The following KCNT2 variants were observed in gnomAD, a reference collection of about 807,000 sequenced individuals.
KCNT2 encodes potassium sodium-activated channel subfamily T member 2, also known as potassium channel subfamily T member 2.
In KCNT2, 67 loss-of-function variants were observed where a neutral mutation model predicts 153.8. The observed-to-expected ratio is 0.44, with a 90% CI of 0.36 to 0.53. The LOEUF (loss-of-function observed/expected upper bound fraction) is 0.53, where lower values mean the gene tolerates loss of function less well. KCNT2 is among the 20% of genes least tolerant of loss of function. The probability of loss-of-function intolerance (pLI) is 0.00; values close to 1 mark genes in which losing one functional copy is unlikely to be tolerated. For missense variants in KCNT2, 975 were observed against 1,354.8 expected (o/e 0.72, Z 4.40); for synonymous variants, 500 against 458.8 (o/e 1.09, Z -1.15).
intron 1 of KCNT2, among the ~76,000 whole-genome samples, chr1:196,552,376 A>G (rs1658031650): frequency 6.6e-6 from 1 of 151,356 alleles, no homozygotes; most frequent in African/African-American, 2.4e-5. Flanking sequence ...CATGAAAACT[A>G]AAACATCCCT....
rs533276852 is a variant in KCNT2, at chr1:196,366,164, A to AT, written c.1403+6975dup. On this transcript the variant is annotated intron_variant, in intron 14 of 27. Coordinates refer to ENST00000294725, the MANE Select transcript of KCNT2 (RefSeq NM_198503.5). ...TTATTTACTTATTTATTTAATTATT[A>AT]TTTTTTTTTTTTGAGACAGAGTTTC... Among the ~76,000 whole-genome samples the AT allele has an allele frequency of 6.7e-3, 969 of 145,712 alleles. 6 individuals carry two copies. The highest frequency in any genetic ancestry group is 0.032 in the South Asian group (146 of 4,614).
intron 3 of KCNT2, among the ~76,000 whole-genome samples, chr1:196,484,522 T>C (rs182669851): frequency 1.1e-3 from 169 of 152,262 alleles, no homozygotes; most frequent in African/African-American, 3.9e-3. Context: ...ACAAGCTCTT[T>C]AGTTTAATAA....
chr1:196,487,217 G>T (rs1181099430), intron 3 of KCNT2, among the ~76,000 whole-genome samples: 1 of 151,934 alleles, frequency 6.6e-6, no homozygotes, highest in Non-Finnish European at 1.5e-5. Flanking sequence ...TGGTTCTCAT[G>T]TGAGACCTGA....
intron 11 of KCNT2, among the ~76,000 whole-genome samples, chr1:196,425,434 C>A (rs1673574469): frequency 6.6e-6 from 1 of 151,912 alleles, no homozygotes. Context: ...AAAATGTAAA[C>A]CCTAACTCAC....
intron 1 of KCNT2, among the ~76,000 whole-genome samples, chr1:196,499,010 C>G (rs949886088): frequency 2.0e-5 from 3 of 151,888 alleles, no homozygotes; most frequent in Non-Finnish European, 2.9e-5. Context: ...TAGGGTGAGC[C>G]CTTAATCAAA....
At chr1:196,518,123 G>T (rs1652851789) in intron 1 of KCNT2, among the ~76,000 whole-genome samples, 1 of 152,022 alleles carries the variant, frequency 6.6e-6, no homozygotes, top group African/African-American at 2.4e-5. Context: ...CATTCTTAAA[G>T]AAATAAAAAA....
At chr1:196,383,143 G>A (rs1181630063) in intron 13 of KCNT2, among the ~76,000 whole-genome samples, 4 of 152,174 alleles carry the variant, frequency 2.6e-5, no homozygotes, top group Admixed American at 6.5e-5. Context: ...CTAAACTGAT[G>A]ATGAAATGGA....
chr1:196,531,515 T>C (rs922190410), intron 1 of KCNT2, among the ~76,000 whole-genome samples: 4 of 152,080 alleles, frequency 2.6e-5, no homozygotes, highest in Non-Finnish European at 4.4e-5. Flanking sequence ...AAAATAAGAA[T>C]GTATAGGAAA....
At chr1:196,517,895 T>A (rs996970074) in intron 1 of KCNT2, among the ~76,000 whole-genome samples, 1 of 152,006 alleles carries the variant, frequency 6.6e-6, no homozygotes, top group Non-Finnish European at 1.5e-5. Context: ...AGGCTAACAG[T>A]CAAATTCAGG....
chr1:196,267,747 C>T (rs893611977), intron 25 of KCNT2, among the ~76,000 whole-genome samples: 3 of 152,120 alleles, frequency 2.0e-5, no homozygotes, highest in Non-Finnish European at 2.9e-5. Context: ...ACTGTGCACT[C>T]AGTGGTCCAC....
intron 19 of KCNT2, among the ~76,000 whole-genome samples, chr1:196,320,835 A>C (rs1374080310): frequency 1.3e-5 from 2 of 151,876 alleles, no homozygotes; most frequent in Non-Finnish European, 2.9e-5. Flanking sequence ...AATGTACCAC[A>C]ATTCATTCTT....
chr1:196,258,637 C>T (rs754436398), intron 25 of KCNT2, 143 bp from the exon 26 acceptor site: 6 of 725,282 alleles, frequency 8.3e-6, no homozygotes, highest in South Asian at 8.2e-5. Context: ...GTCTTTGATT[C>T]TAATTTTCCA....
chr1:196,236,151 A>G, intron 26 of KCNT2, 81 bp from the exon 27 acceptor site: 1 of 775,398 alleles, frequency 1.3e-6, no homozygotes, highest in Non-Finnish European at 2.3e-6. Context: ...TTATATTCAA[A>G]CCATATAACT....
rs1207149414 is a variant in KCNT2, at chr1:196,236,926, A to G, written c.3212-856T>C. Among the ~76,000 whole-genome samples, 4 of 151,370 alleles carry G rather than the reference A, an allele frequency of 2.6e-5. No individual in the cohort carries two copies. In the East Asian group the frequency reaches 7.7e-4, roughly 29 times the overall value. ...TACTTCAGTAAACATAATTCCTCCC[A>G]TGGGTAAAGTTTTCAGTCTATGAGA... is the stretch of plus-strand genomic sequence containing the variant. On this transcript the variant is annotated intron_variant, in intron 26 of 27. Transcript: ENST00000294725.
chr1:196,350,843 C>T (rs1240350121), intron 14 of KCNT2, among the ~76,000 whole-genome samples: 4 of 151,998 alleles, frequency 2.6e-5, no homozygotes, highest in African/African-American at 4.8e-5. Context: ...TTAGGTCTAA[C>T]GTTTAAGTCT....
chr1:196,503,187 C>A (rs1295140065), intron 1 of KCNT2, among the ~76,000 whole-genome samples: 1 of 151,812 alleles, frequency 6.6e-6, no homozygotes, highest in Non-Finnish European at 1.5e-5. Flanking sequence ...AGAGCAGATG[C>A]TCCTAAATTA....
chr1:196,602,770 A>ATTTTTTT (rs148932905), intron 1 of KCNT2, among the ~76,000 whole-genome samples: 4 of 84,628 alleles, frequency 4.7e-5, no homozygotes, highest in African/African-American at 1.6e-4. Flanking sequence ...TTCAAAGTCT[A>ATTTTTTT]TTTTTTTTTT....
intron 1 of KCNT2, among the ~76,000 whole-genome samples, chr1:196,593,350 G>A (rs28505191): frequency 7.2e-6 from 1 of 139,732 alleles, no homozygotes. Context: ...ACATATATAT[G>A]TGTATATATG....
rs747189573 is a variant in KCNT2 at position 196,405,824 on chromosome 1, C to G, written c.1186-7153G>C. Among the ~76,000 whole-genome samples, 35 of 151,518 alleles carry G rather than the reference C, an allele frequency of 2.3e-4. 2 individuals are homozygous for G. Among genetic ancestry groups the G allele is most frequent in the Non-Finnish European group, 4.4e-4 (30 of 67,656 alleles). ...AAGATTACTAGTATATAAAGTGAAA[C>G]TGAATTGTAAAACTTAAAATAATAC... On this transcript the variant is annotated intron_variant, in intron 12 of 27. Transcript: ENST00000294725.
Sources: allele counts gnomAD v4.1 joint callset (sites outside exome capture counted in the v4.1 genomes callset), GRCh38; gene constraint gnomAD v4.1.1; transcripts MANE v1.5; gene names NCBI Gene and HGNC (gene_info 2026-07-23, HGNC 2026-07-21).